The following CPED1 variants were observed in gnomAD, a reference collection of about 807,000 sequenced individuals.
CPED1 encodes cadherin like and PC-esterase domain containing 1.
Under a neutral mutation model 128.2 loss-of-function variants are expected in CPED1, and 114 were observed. The ratio of observed to expected loss-of-function variants is 0.89; its 90% confidence interval spans 0.76 to 1.04. The LOEUF (loss-of-function observed/expected upper bound fraction) is 1.04. Ranked by LOEUF, CPED1 falls within the 50% of genes least tolerant of loss-of-function variation. The pLI, the probability that CPED1 is intolerant of heterozygous loss-of-function variation, is 0.00. For missense variants in CPED1, 1,211 were observed against 1,207.1 expected (o/e 1.00, Z -0.05); for synonymous variants, 462 against 426.7 (o/e 1.08, Z -1.02).
chr7:121,050,822 G>A (rs1190401200), intron 4 of CPED1: 3 of 461,888 alleles, frequency 6.5e-6, no homozygotes, highest in East Asian at 6.7e-5. Flanking sequence ...CGGGAGGAGC[G>A]GCAGCGGCCA....
chr7:121,074,509 G>GTTTTTTTTTT (rs1157885862), intron 5 of CPED1, among the ~76,000 whole-genome samples: 6,958 of 80,342 alleles, frequency 0.087, 797 homozygotes, highest in Middle Eastern at 0.13. Context: ...TTTCCTTTGT[G>GTTTTTTTTTT]TTTTTTTTTT....
intron 5 of CPED1, among the ~76,000 whole-genome samples, chr7:121,065,361 ACT>A (rs747558610): frequency 6.6e-6 from 1 of 152,040 alleles, no homozygotes; most frequent in African/African-American, 2.4e-5. Context: ...GTTTTTGTAA[ACT>A]CTAGCTGGAG....
chr7:121,247,992 A>G (rs1798576466), intron 18 of CPED1, among the ~76,000 whole-genome samples: 1 of 152,216 alleles, frequency 6.6e-6, no homozygotes, highest in South Asian at 2.1e-4. Context: ...TCCACTGCAC[A>G]GCTGGATGCT....
chr7:121,232,578 A>G (rs1798162716), intron 16 of CPED1, among the ~76,000 whole-genome samples: 1 of 152,108 alleles, frequency 6.6e-6, no homozygotes, highest in Admixed American at 6.6e-5. Flanking sequence ...CTAAGAGTGA[A>G]TTTATCTCCC....
rs2084442221 is a variant in CPED1 at position 121,271,274 on chromosome 7, T to C, written c.2722-10T>C. Reference sequence around the variant, plus strand: ...TAATAAAAATTCTCATTCTTCTGCTTTCCAATCAGAGTGAAGTACAGAACT... The same window carrying C: ...TAATAAAAATTCTCATTCTTCTGCTCTCCAATCAGAGTGAAGTACAGAACT... On this transcript the variant is annotated splice_polypyrimidine_tract_variant and intron_variant, in intron 21 of 22. Transcript: ENST00000310396. The C allele has an allele frequency of 6.3e-7, 1 of 1,597,538 alleles. No individual in the cohort carries two copies. Among genetic ancestry groups the C allele is most frequent in the Non-Finnish European group, 8.5e-7 (1 of 1,170,388 alleles).
chr7:121,257,521 T>A (rs909903135), intron 18 of CPED1, among the ~76,000 whole-genome samples: 20 of 151,950 alleles, frequency 1.3e-4, no homozygotes, highest in East Asian at 1.9e-4. Context: ...ATTTTTTTTT[T>A]ATTCAGAATC....
chr7:121,086,579 T>C (rs1427024997), intron 5 of CPED1, among the ~76,000 whole-genome samples: 1 of 152,196 alleles, frequency 6.6e-6, no homozygotes, highest in Non-Finnish European at 1.5e-5. Context: ...TGTGCCCAAA[T>C]GTCAACTCAG....
intron 16 of CPED1, among the ~76,000 whole-genome samples, chr7:121,210,435 A>T (rs1190237880): frequency 6.6e-6 from 1 of 152,074 alleles, no homozygotes; most frequent in Non-Finnish European, 1.5e-5. Context: ...ATAAATGGAT[A>T]AAGTATAATA....
chr7:121,184,471 G>A (rs1173033799), intron 16 of CPED1, among the ~76,000 whole-genome samples: 2 of 152,130 alleles, frequency 1.3e-5, no homozygotes, highest in Non-Finnish European at 2.9e-5. Flanking sequence ...CCTATCAAAA[G>A]CCATGTAGTG....
At position 121,124,373 on chromosome 7, in the gene CPED1, C is replaced by T. The variant is rs749986213; in HGVS notation, c.961C>T (p.Gln321Ter). ...FETFLRASSP[Q>*]QAFDIMKEAI... ...GACATTCCTGAGAGCCAGTTCACCT[C>T]AACAGGCTTTTGACATTATGAAGGA... Residue 321 changes from glutamine (Q) to a stop codon, truncating the protein, a stop_gained, in exon 8 of 23, where the codon CAA (glutamine) becomes TAA (stop). Coordinates refer to ENST00000310396, the MANE Select transcript of CPED1 (RefSeq NM_024913.5). LOFTEE classifies it high-confidence loss of function. The T allele has an allele frequency of 5.6e-6, 9 of 1,610,210 alleles. No homozygotes were observed. The highest frequency in any genetic ancestry group is 7.6e-6 in the Non-Finnish European group (9 of 1,177,690).
chr7:121,038,625 G>T lies in CPED1; in HGVS notation c.434-8262G>T, dbSNP rs1080808. ...AAAACTGAAGTCCATACTTTGTTCA[G>T]ATTTTCTTAGTTTTCATCTAATGTT... On this transcript the variant is annotated intron_variant, in intron 3 of 22. Coordinates refer to ENST00000310396, the MANE Select transcript of CPED1 (RefSeq NM_024913.5). Among the ~76,000 whole-genome samples the T allele has an allele frequency of 2.0e-5, 3 of 151,718 alleles. No homozygotes were observed. The East Asian group carries it at 5.8e-4, about 29-fold the overall frequency.
At chr7:121,029,995 T>A (rs1792689293) in intron 3 of CPED1, among the ~76,000 whole-genome samples, 1 of 152,204 alleles carries the variant, frequency 6.6e-6, no homozygotes, top group South Asian at 2.1e-4. Flanking sequence ...ATAGTCTTCC[T>A]GTTTATAAAG....
intron 11 of CPED1, among the ~76,000 whole-genome samples, chr7:121,129,331 A>ACG (rs1563037643): frequency 3.8e-5 from 5 of 131,758 alleles, no homozygotes; most frequent in Admixed American, 1.5e-4. Context: ...ATATATATAT[A>ACG]TATACGTATA....
At chr7:121,016,922 T>C (rs1792318245) in intron 3 of CPED1, among the ~76,000 whole-genome samples, 1 of 152,226 alleles carries the variant, frequency 6.6e-6, no homozygotes, top group Admixed American at 6.5e-5. Context: ...ACAGTAGCTT[T>C]CAGAATGATC....
chr7:121,110,685 G>A (rs1454905445), intron 7 of CPED1, among the ~76,000 whole-genome samples: 3 of 152,194 alleles, frequency 2.0e-5, no homozygotes, highest in African/African-American at 7.2e-5. Context: ...CAGGAGTCAG[G>A]AAAGGTAAGA....
intron 21 of CPED1, among the ~76,000 whole-genome samples, chr7:121,270,864 T>C (rs989563704): frequency 5.9e-5 from 9 of 152,096 alleles, no homozygotes; most frequent in African/African-American, 2.2e-4. Context: ...GGGCTCTTTT[T>C]TGGTTCCATA....
At chr7:121,188,368 A>G (rs186476689) in intron 16 of CPED1, among the ~76,000 whole-genome samples, 1 of 152,160 alleles carries the variant, frequency 6.6e-6, no homozygotes, top group Non-Finnish European at 1.5e-5. Flanking sequence ...TAAGCACATG[A>G]TAGAGAATGG....
chr7:121,116,178 TC>T (rs1795230932), intron 7 of CPED1, among the ~76,000 whole-genome samples: 1 of 152,226 alleles, frequency 6.6e-6, no homozygotes, highest in Admixed American at 6.5e-5. Context: ...ATTCTGAATT[TC>T]CAAGTTTAAT....
intron 18 of CPED1, among the ~76,000 whole-genome samples, chr7:121,262,307 G>T (rs188479167): frequency 8.3e-4 from 126 of 152,102 alleles, no homozygotes; most frequent in African/African-American, 3.0e-3. Context: ...CCAGGCTCAG[G>T]CATTCTTTTA....
Sources: allele counts gnomAD v4.1 joint callset (sites outside exome capture counted in the v4.1 genomes callset), GRCh38; gene constraint gnomAD v4.1.1; transcripts MANE v1.5; gene names NCBI Gene and HGNC (gene_info 2026-07-23, HGNC 2026-07-21).